Variants in DPF3 observed in about 807,000 individuals in gnomAD.
DPF3 encodes the protein zinc finger protein DPF3.
Under a neutral mutation model 56.8 loss-of-function variants are expected in DPF3, and 18 were observed. The ratio of observed to expected loss-of-function variants is 0.32; its 90% confidence interval spans 0.22 to 0.47. DPF3 has a LOEUF of 0.47. Among genes scored for constraint, DPF3 ranks in the 20% least tolerant of loss-of-function variants. The probability of loss-of-function intolerance (pLI) is 1.00; values close to 1 mark genes in which losing one functional copy is unlikely to be tolerated. For synonymous variants in DPF3, 188 were observed against 180.2 expected, an observed-to-expected ratio of 1.04 and a Z score of -0.35; for missense variants, 403 against 488.8, an observed-to-expected ratio of 0.82 and a Z score of 1.65.
At chr14:72,636,445 T>C (rs538341547) in intron 8 of DPF3, among the ~76,000 whole-genome samples, 3 of 152,168 alleles carry the variant, frequency 2.0e-5, no homozygotes, top group Admixed American at 1.3e-4. Flanking sequence ...TCTTCTCTCT[T>C]TCTCTTCTCT....
chr14:72,792,692 T>C (rs1456009758), intron 1 of DPF3, among the ~76,000 whole-genome samples: 1 of 151,174 alleles, frequency 6.6e-6, no homozygotes, highest in Admixed American at 6.6e-5. Context: ...ACAGACCATT[T>C]CACCCCTCCC....
intron 8 of DPF3, among the ~76,000 whole-genome samples, chr14:72,667,427 G>T (rs901713548): frequency 3.9e-5 from 6 of 152,114 alleles, no homozygotes; most frequent in Non-Finnish European, 7.4e-5. Flanking sequence ...CCCTCTCTTT[G>T]GCCTGGGACT....
intron 1 of DPF3, among the ~76,000 whole-genome samples, chr14:72,798,620 T>C (rs1282917247): frequency 2.0e-5 from 3 of 152,302 alleles, no homozygotes; most frequent in Non-Finnish European, 2.9e-5. Flanking sequence ...GGGTCCCTAG[T>C]TGGCTGCAGC....
intron 8 of DPF3, among the ~76,000 whole-genome samples, chr14:72,667,650 G>A (rs756991555): frequency 2.0e-5 from 3 of 152,196 alleles, no homozygotes; most frequent in Non-Finnish European, 4.4e-5. Flanking sequence ...ACATTGTCTA[G>A]AAGTGATGAT....
chr14:72,812,279 T>A (rs1599463653), intron 1 of DPF3, among the ~76,000 whole-genome samples: 1 of 151,898 alleles, frequency 6.6e-6, no homozygotes, highest in Admixed American at 6.6e-5. Context: ...GCAGGGCAGG[T>A]TCCTGGTAAC....
intron 3 of DPF3, among the ~76,000 whole-genome samples, chr14:72,739,714 T>C (rs1408963372): frequency 6.6e-6 from 1 of 152,176 alleles, no homozygotes; most frequent in Non-Finnish European, 1.5e-5. Flanking sequence ...GGGTGGCCAT[T>C]GCTCCTGGAG....
intron 1 of DPF3, among the ~76,000 whole-genome samples, chr14:72,805,113 A>G (rs1263494246): frequency 9.3e-6 from 1 of 107,596 alleles, no homozygotes; most frequent in Non-Finnish European, 1.9e-5. Context: ...GTGCAGCCCC[A>G]GCCTCCCACA....
At chr14:72,735,474 G>C (rs1889852867) in intron 3 of DPF3, among the ~76,000 whole-genome samples, 1 of 152,062 alleles carries the variant, frequency 6.6e-6, no homozygotes, top group South Asian at 2.1e-4. Flanking sequence ...TTACCAGATA[G>C]GCACAGTAGA....
intron 8 of DPF3, among the ~76,000 whole-genome samples, chr14:72,664,602 T>C (rs1340336081): frequency 2.0e-5 from 3 of 151,704 alleles, no homozygotes; most frequent in Non-Finnish European, 4.4e-5. Context: ...TTCTCTCCTT[T>C]ACCCCTCACC....
At position 72,799,470 on chromosome 14, in the gene DPF3, G is replaced by T. The variant is rs182984354; in HGVS notation, c.33-27577C>A. On this transcript the variant is annotated intron_variant, in intron 1 of 10. Coordinates refer to ENST00000556509, the MANE Select transcript of DPF3 (RefSeq NM_001280542.3). ...ATTTGAGGCCAGGAGTTCAAGACCA[G>T]CCTGGGTAACATAGTGAGACCTTGT... Among the ~76,000 whole-genome samples the T allele has an allele frequency of 2.8e-3, 422 of 152,204 alleles. 2 individuals carry two copies. Among genetic ancestry groups the T allele is most frequent in the Non-Finnish European group, 5.1e-3 (349 of 68,018 alleles).
rs140038443 is a variant in DPF3, at chr14:72,708,918, G to C, written c.604+5505C>G. Among the ~76,000 whole-genome samples the C allele has an allele frequency of 7.6e-4, 115 of 152,304 alleles. 1 individual carries two copies. The highest frequency in any genetic ancestry group is 2.6e-3 in the African/African-American group (110 of 41,566). On this transcript the variant is annotated intron_variant, in intron 6 of 10. Transcript: ENST00000556509. ...GTGTGGGGAAGGAGTGCTGATCAGG[G>C]CAGTCCGGAGGCCCAAAGGAGGAGC...
intron 1 of DPF3, among the ~76,000 whole-genome samples, chr14:72,874,266 C>T (rs1284429465): frequency 1.3e-5 from 2 of 151,724 alleles, no homozygotes; most frequent in African/African-American, 4.8e-5. Context: ...ATCACGGGGT[C>T]AGGAGTTCAA....
intron 1 of DPF3, among the ~76,000 whole-genome samples, chr14:72,786,083 G>A (rs1472784558): frequency 2.6e-5 from 4 of 152,144 alleles, no homozygotes; most frequent in Non-Finnish European, 5.9e-5. Context: ...CCAACTTGGT[G>A]AAACTCCATT....
intron 8 of DPF3, among the ~76,000 whole-genome samples, chr14:72,648,017 C>T (rs1440104769): frequency 2.0e-5 from 3 of 152,190 alleles, no homozygotes; most frequent in African/African-American, 7.2e-5. Flanking sequence ...CCCTCTACCC[C>T]TTTTTCCTAC....
At position 72,613,931 on chromosome 14, in the gene DPF3, G is replaced by T. The variant is rs1469260912; in HGVS notation, c.*5366C>A. 6.6e-6 allele frequency among the ~76,000 whole-genome samples: 1 copy of T among 152,046 alleles called. No homozygotes were observed. The highest frequency in any genetic ancestry group is 2.4e-5 in the African/African-American group (1 of 41,400). ...GAGGTTGTCTATCCTCCCACATCCC[G>T]GGTGCCCAGCAGGAAGCACCCCCAT... On this transcript the variant is annotated 3_prime_UTR_variant, in exon 11 of 11. Transcript: ENST00000556509.
chr14:72,701,642 C>T (rs976089487), intron 6 of DPF3, among the ~76,000 whole-genome samples: 3 of 152,194 alleles, frequency 2.0e-5, no homozygotes, highest in East Asian at 1.9e-4. Context: ...CGGGGAGAAG[C>T]GGCTGCCTTC....
chr14:72,789,144 G>A (rs968503999), intron 1 of DPF3, among the ~76,000 whole-genome samples: 1 of 152,110 alleles, frequency 6.6e-6, no homozygotes, highest in Non-Finnish European at 1.5e-5. Flanking sequence ...GGAGAACATG[G>A]GTACTGCATC....
At chr14:72,861,791 GAAAGAAAGAA>G (rs1885445635) in intron 1 of DPF3, among the ~76,000 whole-genome samples, 3 of 150,574 alleles carry the variant, frequency 2.0e-5, no homozygotes, top group African/African-American at 4.9e-5. Flanking sequence ...AAGAAAGAAA[GAAAGAAAGAA>G]AGAAGGAAAG....
chr14:72,622,051 G>A (rs1393426494), intron 9 of DPF3, among the ~76,000 whole-genome samples: 2 of 152,330 alleles, frequency 1.3e-5, no homozygotes, highest in Non-Finnish European at 2.9e-5. Flanking sequence ...CCTAGGAGAG[G>A]AAGCCCAGAA....
Sources: allele counts gnomAD v4.1 joint callset (sites outside exome capture counted in the v4.1 genomes callset), GRCh38; gene constraint gnomAD v4.1.1; transcripts MANE v1.5; gene names NCBI Gene and HGNC (gene_info 2026-07-23, HGNC 2026-07-21).